Variants in B4GALT3 observed in about 807,000 individuals in gnomAD.
B4GALT3 encodes beta-1,4-galactosyltransferase 3.
A neutral mutation model predicts 40.7 loss-of-function variants in B4GALT3; 29 were observed. That is an observed-to-expected ratio of 0.71 (90% CI 0.53 to 0.97). The LOEUF is 0.97. Ranked by LOEUF, B4GALT3 falls within the 50% of genes least tolerant of loss-of-function variation. The probability of loss-of-function intolerance (pLI) is 0.00; values close to 1 mark genes in which losing one functional copy is unlikely to be tolerated. For missense variants in B4GALT3, 390 were observed against 522.3 expected, an observed-to-expected ratio of 0.75 and a Z score of 2.47; for synonymous variants, 182 against 203.9, an observed-to-expected ratio of 0.89 and a Z score of 0.92.
intron 6 of B4GALT3, among the ~76,000 whole-genome samples, chr1:161,172,966 A>G (rs560777571): frequency 6.6e-6 from 1 of 152,332 alleles, no homozygotes; most frequent in Admixed American, 6.5e-5. Flanking sequence ...ACACAGAAGC[A>G]TGGAGTGCAG....
rs749916838 is a variant in B4GALT3, at chr1:161,175,111, C to T, written c.371G>A (p.Arg124Gln). 8.7e-6 allele frequency: 14 copies of T among 1,613,822 alleles called. No individual in the cohort carries two copies. Among genetic ancestry groups the T allele is most frequent in the Admixed American group, 3.3e-5 (2 of 59,980 alleles). Residue 124 changes from arginine (R) to glutamine (Q), a missense_variant, in exon 4 of 8, where the codon CGA becomes CAA. Arg to Gln is a conservative substitution (Grantham distance 43). This residue lies in a region of B4GALT3 where 183 missense variants were observed against 223.2 expected (regional missense o/e 0.82). Transcript: ENST00000319769. ...YRPAGCEPRS[R>Q]TAIIVPHRAR... is the part of the protein sequence containing the mutation. Reference sequence around the variant, plus strand: ...ACGATGAGGCACAATGATGGCTGTTCGGGAGCGGGGCTCACAACCTGCAGG... The same window carrying T: ...ACGATGAGGCACAATGATGGCTGTTTGGGAGCGGGGCTCACAACCTGCAGG...
At position 161,172,265 on chromosome 1, in the gene B4GALT3, C is replaced by A. The variant is rs754441286; in HGVS notation, c.870G>T (p.Lys290Asn). 2.7e-5 allele frequency: 43 copies of A among 1,614,138 alleles called. No homozygotes were observed. Among genetic ancestry groups the A allele is most frequent in the Non-Finnish European group, 3.6e-5 (42 of 1,180,040 alleles). Residue 290 changes from lysine to asparagine, a missense_variant, in exon 7 of 8, where the codon AAG (lysine) becomes AAT (asparagine). Around this residue, in one of 3 missense-constraint regions of B4GALT3, gnomAD observed 135 missense variants for 227.8 expected, o/e 0.59. Transcript: ENST00000319769. Reference sequence around the variant, plus strand: ...CCTCATTGCCCTTATCTCCTCGGTGCTTCACCATCTTATAGTGTCCTACAG... The same window carrying A: ...CCTCATTGCCCTTATCTCCTCGGTGATTCACCATCTTATAGTGTCCTACAG... Reference protein sequence around the residue: ...PTSVGHYKMVKHRGDKGNEEN... With the variant: ...PTSVGHYKMVNHRGDKGNEEN...
rs1190024705 is a variant in B4GALT3, at chr1:161,176,494, G to A, written c.-75C>T. 5.1e-6 allele frequency: 2 copies of A among 388,650 alleles called. No homozygotes were observed. Among genetic ancestry groups the A allele is most frequent in the Admixed American group, 4.2e-5 (1 of 23,672 alleles). The allele number at this position is 388,650 out of a possible 1,614,324, so 24.1% of individuals were successfully genotyped here. A position where few individuals can be genotyped will look rare whatever the true frequency, so the allele number is the denominator to read the frequency against. ...CTCCAGGGGGTCCCGGGGGGACAGA[G>A]ATGTGAGGCATTATCTAAAATTGGA... is the stretch of plus-strand genomic sequence containing the variant. On this transcript the variant is annotated 5_prime_UTR_variant, in exon 2 of 8. Coordinates refer to ENST00000319769, the MANE Select transcript of B4GALT3 (RefSeq NM_003779.4).
chr1:161,174,727 A>G (rs1662842813), intron 4 of B4GALT3, among the ~76,000 whole-genome samples: 2 of 152,194 alleles, frequency 1.3e-5, no homozygotes, highest in African/African-American at 2.4e-5. Flanking sequence ...TTTTAGCCCT[A>G]TTGTGTCCAA....
intron 4 of B4GALT3, among the ~76,000 whole-genome samples, chr1:161,174,356 C>T (rs1394130361): frequency 3.4e-5 from 5 of 146,950 alleles, no homozygotes; most frequent in East Asian, 2.0e-4. Context: ...TGCAGTCAGC[C>T]GAGATCGTGC....
At position 161,172,871 on chromosome 1, in the gene B4GALT3, GA is replaced by G. The variant is rs1233807508; in HGVS notation, c.804-541del. Among the ~76,000 whole-genome samples, 577 of 75,974 alleles carry G rather than the reference GA, an allele frequency of 7.6e-3. 6 individuals carry two copies. The highest frequency in any genetic ancestry group is 0.02 in the African/African-American group (471 of 23,892). 49.8% of individuals were successfully genotyped at this position (75,974 alleles called of 152,430 possible). On this transcript the variant is annotated intron_variant, in intron 6 of 7. Transcript: ENST00000319769. ...ATGGGACCTTGTCTCTAGAGAAAAA[GA>G]AAAAAAAAAAAAACGAAAGAAAGAA...
rs556430963 is a variant in B4GALT3 at position 161,175,755 on chromosome 1, CCT to C, written c.253+51_253+52del. 372 of 1,594,618 alleles carry C rather than the reference CCT, an allele frequency of 2.3e-4. No homozygotes were observed. The African/African-American group carries it at 4.5e-3, about 19-fold the overall frequency. The stretch of plus-strand genomic sequence containing the variant: ...CCATGCCTCCCTATCCCCAAGCCTC[CCT>C]GTCTCCGCACCTTGTCCTTCCTTTC... On this transcript the variant is annotated intron_variant, in intron 3 of 7. Coordinates refer to ENST00000319769, the MANE Select transcript of B4GALT3 (RefSeq NM_003779.4).
chr1:161,171,950 G>T lies in B4GALT3; in HGVS notation c.1048C>A (p.Arg350=). Residue 350 remains arginine, a synonymous_variant, in exon 8 of 8, where the codon CGG becomes AGG. Coordinates refer to ENST00000319769, the MANE Select transcript of B4GALT3 (RefSeq NM_003779.4). ...GGGTAACGTGGCCCAGAAGGAGCCC[G>T]AGGACCCCGAGGGTCAGTCCCAATG... ...ADIGTDPRGP[R]APSGPRYPPG... is the part of the protein sequence containing the mutation. 6.2e-7 allele frequency: 1 copy of T among 1,614,162 alleles called. No individual in the cohort carries two copies. The highest frequency in any genetic ancestry group is 8.5e-7 in the Non-Finnish European group (1 of 1,180,026).
rs1313827938 is a variant in B4GALT3, at chr1:161,176,482, C to CG, written c.-64dup. The CG allele has an allele frequency of 1.4e-5, 5 of 370,030 alleles. No homozygotes were observed. Among genetic ancestry groups the CG allele is most frequent in the East Asian group, 5.4e-5 (1 of 18,476 alleles). 22.9% of individuals were successfully genotyped at this position (370,030 alleles called of 1,614,324 possible). A position where few individuals can be genotyped will look rare whatever the true frequency, so the allele number is the denominator to read the frequency against. ...GGATCATGGGGGCTCCAGGGGGTCC[C>CG]GGGGGGACAGAGATGTGAGGCATTA... On this transcript the variant is annotated 5_prime_UTR_variant, in exon 2 of 8. It introduces an in-frame stop codon into an upstream open reading frame of the 5' UTR. Transcript: ENST00000319769.
chr1:161,175,809 T>C lies in B4GALT3; in HGVS notation c.252A>G (p.Leu84=), dbSNP rs1395035719. Residue 84 remains leucine, a splice_region_variant and synonymous_variant, in exon 3 of 8, where the codon TTA becomes TTG. Coordinates refer to ENST00000319769, the MANE Select transcript of B4GALT3 (RefSeq NM_003779.4). ...CCACCTCCTTCCTCCTGCACTTACC[T>C]AAGAGAGGAGATCGTTCTGGACAGT... The part of the protein sequence containing the change: ...LPYCPERSPL[L]VGPVSVSFSP... 6.2e-7 allele frequency: 1 copy of C among 1,613,840 alleles called. No individual in the cohort carries two copies. Among genetic ancestry groups the C allele is most frequent in the Non-Finnish European group, 8.5e-7 (1 of 1,179,892 alleles).
At position 161,176,033 on chromosome 1, in the gene B4GALT3, A is replaced by G. The variant is rs561902104; in HGVS notation, c.28T>C (p.Cys10Arg). 115 of 1,614,142 alleles carry G rather than the reference A, an allele frequency of 7.1e-5. No homozygotes were observed. The highest frequency in any genetic ancestry group is 4.3e-4 in the Admixed American group (26 of 60,022). Reference protein sequence around the residue: MLRRLLERPCTLALLVGSQL... With the variant: MLRRLLERPRTLALLVGSQL... ...GAGCCCACAAGCAGGGCCAGCGTGCAAGGCCGCTCCAGCAGCCTCCGCAAC... is the reference window on the plus strand; with the variant it reads ...GAGCCCACAAGCAGGGCCAGCGTGCGAGGCCGCTCCAGCAGCCTCCGCAAC... The change falls in exon 3 of 8, where the codon TGC (cysteine) becomes CGC (arginine). Residue 10 changes from cysteine to arginine, a missense_variant. Cys to Arg is a radical substitution (Grantham distance 180, BLOSUM62 -3). Transcript: ENST00000319769.
chr1:161,174,456 T>C (rs555122043), intron 4 of B4GALT3, among the ~76,000 whole-genome samples: 5 of 146,862 alleles, frequency 3.4e-5, no homozygotes, highest in Non-Finnish European at 6.1e-5. Flanking sequence ...GAAATCAAAG[T>C]GGGGTGGAGG....
chr1:161,174,333 G>A (rs893859151), intron 4 of B4GALT3, among the ~76,000 whole-genome samples: 2 of 151,732 alleles, frequency 1.3e-5, no homozygotes, highest in East Asian at 1.9e-4. Context: ...CGTAAAACCC[G>A]GGAGGTGGAG....
chr1:161,174,418 G>GA (rs925363770), intron 4 of B4GALT3, among the ~76,000 whole-genome samples: 1 of 148,818 alleles, frequency 6.7e-6, no homozygotes, highest in Non-Finnish European at 1.5e-5. Flanking sequence ...AAAAAAAAAA[G>GA]AAAAAAAAGA....
At position 161,171,313 on chromosome 1, in the gene B4GALT3, G is replaced by T. The variant is rs1043484446; in HGVS notation, c.*503C>A. On this transcript the variant is annotated 3_prime_UTR_variant, in exon 8 of 8. Transcript: ENST00000319769. ...GGATGCAGAAAGCAGGAGCAGATGC[G>T]AGACAAAGTCCTTTATTAGAAAATA... 11 of 1,396,936 alleles carry T rather than the reference G, an allele frequency of 7.9e-6. No homozygotes were observed. The highest frequency in any genetic ancestry group is 8.0e-6 in the Non-Finnish European group (8 of 1,005,196). 86.5% of individuals were successfully genotyped at this position (1,396,936 alleles called of 1,614,324 possible).
intron 3 of B4GALT3, 146 bp from the exon 4 acceptor site, chr1:161,175,374 T>C: frequency 4.1e-6 from 3 of 731,210 alleles, no homozygotes; most frequent in East Asian, 5.5e-5. Context: ...TGCCTTGGAT[T>C]ACCTATCACT....
At chr1:161,173,406 C>T (rs1222623437) in intron 6 of B4GALT3, among the ~76,000 whole-genome samples, 199 bp downstream of exon 6, 1 of 152,130 alleles carries the variant, frequency 6.6e-6, no homozygotes. Context: ...ACAAACTAAC[C>T]AGGAGACTGA....
chr1:161,173,761 C>T (rs1281424135), intron 5 of B4GALT3, 34 bp from the exon 6 acceptor site: 4 of 1,613,264 alleles, frequency 2.5e-6, no homozygotes, highest in Admixed American at 1.7e-5. Flanking sequence ...TACCCCGAGT[C>T]TTCTGGGGAC....
Position 161,175,028 on chromosome 1 carries a change from G to A in B4GALT3, c.454C>T (p.Gln152Ter). 1 of 1,613,820 alleles carries A rather than the reference G, an allele frequency of 6.2e-7. No homozygotes were observed. Among genetic ancestry groups the A allele is most frequent in the Non-Finnish European group, 8.5e-7 (1 of 1,179,864 alleles). Reference sequence around the variant, plus strand: ...ACATAGATGCCATAAGCAAGCTGCTGGCGCTGCAAGAAGGGGTGCAGGTGG... The same window carrying A: ...ACATAGATGCCATAAGCAAGCTGCTAGCGCTGCAAGAAGGGGTGCAGGTGG... ...LYHLHPFLQRQQLAYGIYVIH... is the reference protein window; with the variant it reads ...LYHLHPFLQR Residue 152 changes from glutamine to a stop codon, truncating the protein, a stop_gained, in exon 4 of 8, where the codon CAG becomes TAG. Transcript: ENST00000319769. LOFTEE classifies it high-confidence loss of function.
Sources: allele counts gnomAD v4.1 joint callset (sites outside exome capture counted in the v4.1 genomes callset), GRCh38; gene constraint gnomAD v4.1.1; regional missense constraint gnomAD v4.1.1; transcripts MANE v1.5; gene names NCBI Gene and HGNC (gene_info 2026-07-23, HGNC 2026-07-21).